Variants in POSTN observed in about 807,000 individuals in gnomAD.
POSTN encodes the protein osteoblast specific factor 2 (fasciclin I-like).
A neutral mutation model predicts 104.5 loss-of-function variants in POSTN; 71 were observed. The ratio of observed to expected loss-of-function variants is 0.68; its 90% CI spans 0.56 to 0.83. POSTN has a LOEUF of 0.83. Ranked by LOEUF, POSTN falls within the 40% of genes least tolerant of loss-of-function variation. The pLI, the probability that POSTN is intolerant of heterozygous loss-of-function variation, is 0.00. For missense variants in POSTN, 949 were observed against 1,006.8 expected (o/e 0.94, Z 0.78); for synonymous variants, 355 against 340.7 (o/e 1.04, Z -0.46).
chr13:37,569,615 C>A, intron 20 of POSTN, 129 bp downstream of exon 20: 1 of 891,322 alleles, frequency 1.1e-6, no homozygotes, highest in East Asian at 2.4e-5. Flanking sequence ...TATTCTTGTG[C>A]TTTTTTCTTG....
rs1950452354 is a variant in POSTN at position 37,577,751 on chromosome 13, A to G, written c.2008+2T>C. Reference sequence around the variant, plus strand: ...GGTGGCCAATATTTATTATATACTTACTATAGACAGTCACGGGGATTTCTT... The same window carrying G: ...GGTGGCCAATATTTATTATATACTTGCTATAGACAGTCACGGGGATTTCTT... On this transcript the variant is annotated splice_donor_variant, in intron 16 of 22. Coordinates refer to ENST00000379747, the MANE Select transcript of POSTN (RefSeq NM_006475.3). LOFTEE classifies it high-confidence loss of function. 6.2e-7 allele frequency: 1 copy of G among 1,613,238 alleles called. No homozygotes were observed. The highest frequency in any genetic ancestry group is 8.5e-7 in the Non-Finnish European group (1 of 1,179,482).
rs1949969468 is a variant in POSTN, at chr13:37,562,773, A to ATCTT, written c.*559_*560insAAGA. 1 of 152,248 alleles carries ATCTT rather than the reference A, an allele frequency of 6.6e-6. No individual in the cohort carries two copies. The allele number at this position is 152,248 out of a possible 1,614,324, so 9.4% of individuals were successfully genotyped here. A position where few individuals can be genotyped will look rare whatever the true frequency, so the allele number is the denominator to read the frequency against. On this transcript the variant is annotated 3_prime_UTR_variant, in exon 23 of 23. Transcript: ENST00000379747. ...AGATTAAAAAATATGCATTGCAAGA[A>ATCTT]GCATATGACAAACATTCTGAGAGTA...
At chr13:37,573,923 A>AGT (rs1222967943) in intron 17 of POSTN, among the ~76,000 whole-genome samples, 2 of 74,616 alleles carry the variant, frequency 2.7e-5, no homozygotes, top group Non-Finnish European at 5.1e-5. Flanking sequence ...ATCAGGAGAG[A>AGT]ATGTGTGTGT....
At chr13:37,575,589 A>C (rs1241377926) in intron 16 of POSTN, among the ~76,000 whole-genome samples, 2 of 152,156 alleles carry the variant, frequency 1.3e-5, no homozygotes, top group Non-Finnish European at 2.9e-5. Flanking sequence ...ATTTCTAATG[A>C]AAAGCCTTGA....
chr13:37,563,231 G>T lies in POSTN; in HGVS notation c.*102C>A. 1.6e-6 allele frequency: 1 copy of T among 630,752 alleles called. No homozygotes were observed. The allele number at this position is 630,752 out of a possible 1,614,324, so 39.1% of individuals were successfully genotyped here. A position where few individuals can be genotyped will look rare whatever the true frequency, so the allele number is the denominator to read the frequency against. On this transcript the variant is annotated 3_prime_UTR_variant, in exon 23 of 23. Transcript: ENST00000379747. The stretch of plus-strand genomic sequence containing the variant: ...AATTATTTGATGATTGCTTCTTTGT[G>T]CTGATGTTTCAGTTCCTGAAGTCAA...
rs907799997 is a variant in POSTN at position 37,569,765 on chromosome 13, G to T, written c.2326C>A (p.Leu776Met). The T allele has an allele frequency of 1.2e-6, 2 of 1,601,944 alleles. No individual in the cohort carries two copies. The highest frequency in any genetic ancestry group is 2.7e-5 in the African/African-American group (2 of 74,582). The change falls in exon 20 of 23, where the codon CTG becomes ATG. Residue 776 changes from leucine (L) to methionine (M), a missense_variant. Coordinates refer to ENST00000379747, the MANE Select transcript of POSTN (RefSeq NM_006475.3). ...TGACCTTCTTGTAACAATTTCTTCA[G>T]AGTTTCTTCTGTTTCTCCACCTCCA... Reference protein sequence around the residue: ...STGGGETEETLKKLLQEEVTK... With the variant: ...STGGGETEETMKKLLQEEVTK...
At chr13:37,597,877 TC>T (rs1254811337) in intron 1 of POSTN, among the ~76,000 whole-genome samples, 1 of 152,156 alleles carries the variant, frequency 6.6e-6, no homozygotes, top group Non-Finnish European at 1.5e-5. Flanking sequence ...ATTTTAAGGT[TC>T]CCCTTCCCCT....
chr13:37,569,032 T>G (rs1206701261), intron 21 of POSTN: 1 of 246,794 alleles, frequency 4.1e-6, no homozygotes, highest in East Asian at 7.9e-5. Flanking sequence ...TAAAAGGCCC[T>G]TAAAATTATC....
At chr13:37,597,794 A>G (rs1381744675) in intron 1 of POSTN, among the ~76,000 whole-genome samples, 1 of 152,208 alleles carries the variant, frequency 6.6e-6, no homozygotes, top group African/African-American at 2.4e-5. Context: ...ATTAACTTTG[A>G]AACAATATGG....
chr13:37,590,662 C>T, intron 3 of POSTN, 133 bp from the exon 4 acceptor site: 1 of 677,962 alleles, frequency 1.5e-6, no homozygotes, highest in Non-Finnish European at 2.1e-6. Flanking sequence ...TATGAATAAT[C>T]ATTTTTATAT....
intron 2 of POSTN, among the ~76,000 whole-genome samples, chr13:37,596,457 AT>A (rs1951088852): frequency 6.6e-6 from 1 of 152,164 alleles, no homozygotes; most frequent in Non-Finnish European, 1.5e-5. Context: ...ACCAATATTT[AT>A]TGGTAAAATA....
Position 37,579,378 on chromosome 13 carries a change from T to G in POSTN, c.1661-19A>C. ...TTGTCCCCTAGGGGAAAATATATGTTTATTTTTATTGAATAATATGACTTT... is the reference window on the plus strand; with the variant it reads ...TTGTCCCCTAGGGGAAAATATATGTGTATTTTTATTGAATAATATGACTTT... On this transcript the variant is annotated intron_variant, in intron 12 of 22. Transcript: ENST00000379747. 1 of 1,521,750 alleles carries G rather than the reference T, an allele frequency of 6.6e-7. No homozygotes were observed. The allele number at this position is 1,521,750 out of a possible 1,614,324, so 94.3% of individuals were successfully genotyped here.
chr13:37,594,317 A>G (rs1951022325), intron 2 of POSTN, among the ~76,000 whole-genome samples: 1 of 152,204 alleles, frequency 6.6e-6, no homozygotes, highest in Admixed American at 6.5e-5. Flanking sequence ...AAATGCTAAT[A>G]TGACAAGGGT....
chr13:37,586,822 T>C lies in POSTN; in HGVS notation c.713A>G (p.Gln238Arg), dbSNP rs149236703. The change falls in exon 6 of 23, where the codon CAA becomes CGA. Residue 238 changes from glutamine (Q) to arginine (R), a missense_variant. Gln to Arg is a conservative substitution (Grantham distance 43, BLOSUM62 1). Coordinates refer to ENST00000379747, the MANE Select transcript of POSTN (RefSeq NM_006475.3). The stretch of plus-strand genomic sequence containing the variant: ...GTCATCTTCTGCTTCAATGAAGTCT[T>C]GAATTGAGGTACCAATTTGTGTAAG... ...RVLTQIGTSI[Q>R]DFIEAEDDLS... 4 of 1,613,248 alleles carry C rather than the reference T, an allele frequency of 2.5e-6. No individual in the cohort carries two copies. The African/African-American group carries it at 4.0e-5, about 16-fold the overall frequency.
Position 37,592,093 on chromosome 13 carries a change from A to AT in POSTN, c.283+6dup, listed in dbSNP as rs1950951730. The AT allele has an allele frequency of 3.8e-6, 6 of 1,598,138 alleles. No individual in the cohort carries two copies. In the East Asian group the frequency reaches 6.7e-5, roughly 18 times the overall value. On this transcript the variant is annotated splice_region_variant and intron_variant, in intron 3 of 22. Coordinates refer to ENST00000379747, the MANE Select transcript of POSTN (RefSeq NM_006475.3). ...TCCTTATTTAATTCAAAAAATTGAG[A>AT]TTTTACCTGCTGGGCAGCCTTTCAT...
chr13:37,593,386 G>A (rs1950999547), intron 2 of POSTN, among the ~76,000 whole-genome samples: 2 of 150,594 alleles, frequency 1.3e-5, no homozygotes, highest in Admixed American at 1.3e-4. Context: ...TCTAACATAG[G>A]TAGCCTATTT....
rs374868022 is a variant in POSTN at position 37,567,662 on chromosome 13, C to G, written c.2431+1638G>C. Among the ~76,000 whole-genome samples, 39 of 152,042 alleles carry G rather than the reference C, an allele frequency of 2.6e-4. No homozygotes were observed. In the East Asian group the frequency reaches 2.7e-3, roughly 11 times the overall value. On this transcript the variant is annotated intron_variant, in intron 21 of 22. Coordinates refer to ENST00000379747, the MANE Select transcript of POSTN (RefSeq NM_006475.3). The stretch of plus-strand genomic sequence containing the variant: ...TGACGTGGCATTGTGAAAACCGATG[C>G]CTTACAGATATGTAGAGAGATCATA...
Position 37,583,988 on chromosome 13 carries a change from A to G in POSTN, c.1224T>C (p.Pro408=), listed in dbSNP as rs758014171. 6.2e-7 allele frequency: 1 copy of G among 1,613,794 alleles called. No homozygotes were observed. The highest frequency in any genetic ancestry group is 1.7e-5 in the Admixed American group (1 of 59,966). The change falls in exon 9 of 23, where the codon CCT becomes CCC. Residue 408 remains proline (P), a synonymous_variant. Coordinates refer to ENST00000379747, the MANE Select transcript of POSTN (RefSeq NM_006475.3). ...ACATACCAGAAAATGCATTATTCACAGGTGCCAGCAAAGTGTATTCTCCAT... is the reference window on the plus strand; with the variant it reads ...ACATACCAGAAAATGCATTATTCACGGGTGCCAGCAAAGTGTATTCTCCAT... The part of the protein sequence containing the change: ...RPDGEYTLLA[P]VNNAFSDDTL...
chr13:37,587,829 G>C lies in POSTN; in HGVS notation c.599C>G (p.Pro200Arg). 1 of 1,593,178 alleles carries C rather than the reference G, an allele frequency of 6.3e-7. No individual in the cohort carries two copies. The highest frequency in any genetic ancestry group is 2.2e-5 in the East Asian group (1 of 44,508). ...NNLGLFINHY[P>R]NGVVTVNCAR... ...TTTACTGATAAAACTTACCCCATTA[G>C]GATAATGGTTAATGAAAAGCCCCAA... The change falls in exon 5 of 23, where the codon CCT becomes CGT. Residue 200 changes from proline to arginine, a missense_variant. Pro to Arg is a moderately radical substitution (Grantham distance 103). Transcript: ENST00000379747.
Sources: allele counts gnomAD v4.1 joint callset (sites outside exome capture counted in the v4.1 genomes callset), GRCh38; gene constraint gnomAD v4.1.1; transcripts MANE v1.5; gene names NCBI Gene and HGNC (gene_info 2026-07-23, HGNC 2026-07-21).